The following CCDC175 variants were observed in gnomAD, a reference collection of about 807,000 sequenced individuals.
CCDC175 encodes the protein coiled-coil domain containing 175, also known as coiled-coil domain-containing protein 175.
In CCDC175, 100 loss-of-function variants were observed where a neutral mutation model predicts 114.6. The ratio of observed to expected loss-of-function variants is 0.87; its 90% CI spans 0.74 to 1.03. CCDC175 has a LOEUF of 1.03. Ranked by LOEUF, CCDC175 falls within the 50% of genes least tolerant of loss-of-function variation. The pLI is 0.00. For missense variants in CCDC175, 880 were observed against 917.8 expected (o/e 0.96, Z 0.53); for synonymous variants, 306 against 308.7 (o/e 0.99, Z 0.09).
At chr14:59,507,317 T>C (rs1029002037) in intron 19 of CCDC175, among the ~76,000 whole-genome samples, 1 of 152,240 alleles carries the variant, frequency 6.6e-6, no homozygotes, top group Non-Finnish European at 1.5e-5. Flanking sequence ...AGCCACTTTC[T>C]AGAAGGAATC....
chr14:59,510,832 G>A (rs1392583170), intron 18 of CCDC175, 24 bp from the exon 19 acceptor site: 2 of 1,524,874 alleles, frequency 1.3e-6, no homozygotes, highest in Admixed American at 4.0e-5. Flanking sequence ...ATTTTAGGCT[G>A]TGTCAATATA....
At chr14:59,509,422 G>A (rs1892628794) in intron 19 of CCDC175, among the ~76,000 whole-genome samples, 1 of 152,140 alleles carries the variant, frequency 6.6e-6, no homozygotes, top group South Asian at 2.1e-4. Flanking sequence ...GTTCTTCATT[G>A]GCCACTGAAA....
At chr14:59,520,403 C>T (rs1027249601) in intron 17 of CCDC175, among the ~76,000 whole-genome samples, 4 of 152,086 alleles carry the variant, frequency 2.6e-5, no homozygotes, top group Non-Finnish European at 5.9e-5. Flanking sequence ...ATTTGTCTGG[C>T]GGTTTCTTAT....
intron 17 of CCDC175, among the ~76,000 whole-genome samples, chr14:59,519,088 T>C (rs918080996): frequency 6.6e-6 from 1 of 152,102 alleles, no homozygotes; most frequent in Admixed American, 6.5e-5. Context: ...AAACACCACA[T>C]GTTCTCACTC....
intron 17 of CCDC175, among the ~76,000 whole-genome samples, chr14:59,513,546 T>C (rs1459822022): frequency 6.6e-6 from 1 of 152,180 alleles, no homozygotes; most frequent in Non-Finnish European, 1.5e-5. Flanking sequence ...GAGGGTCCTA[T>C]GCCCACGGAG....
rs1980580 is a variant in CCDC175 at position 59,565,278 on chromosome 14, G to C, written c.492-3C>G. On this transcript the variant is annotated splice_region_variant and splice_polypyrimidine_tract_variant and intron_variant, in intron 4 of 19. Coordinates refer to ENST00000537690, the MANE Select transcript of CCDC175 (RefSeq NM_001164399.2). ...TTGCTAGCTCTTCCTGCTTCTCCCT[G>C]GGAGGAAAGAATTGCTCACAGAGTG... 1 of 1,535,002 alleles carries C rather than the reference G, an allele frequency of 6.5e-7. No individual in the cohort carries two copies. The highest frequency in any genetic ancestry group is 8.7e-7 in the Non-Finnish European group (1 of 1,145,924).
chr14:59,558,492 A>G (rs1434987330), intron 7 of CCDC175, among the ~76,000 whole-genome samples: 1 of 152,202 alleles, frequency 6.6e-6, no homozygotes, highest in Non-Finnish European at 1.5e-5. Context: ...TGAAGGCAAT[A>G]GGACGTGACT....
At chr14:59,537,540 AT>A (rs1321355147) in intron 13 of CCDC175, among the ~76,000 whole-genome samples, 1 of 151,946 alleles carries the variant, frequency 6.6e-6, no homozygotes. Flanking sequence ...GGGAAGGTGC[AT>A]TTTTTTATTG....
intron 7 of CCDC175, among the ~76,000 whole-genome samples, chr14:59,551,804 G>A (rs1895511327): frequency 6.6e-6 from 1 of 152,192 alleles, no homozygotes; most frequent in South Asian, 2.1e-4. Context: ...TTAGCAAACG[G>A]CACACCAGGA....
rs574101941 is a variant in CCDC175, at chr14:59,538,165, A to G, written c.1492-11T>C. The G allele has an allele frequency of 2.6e-6, 4 of 1,527,850 alleles. No individual in the cohort carries two copies. Among genetic ancestry groups the G allele is most frequent in the Non-Finnish European group, 3.5e-6 (4 of 1,142,836 alleles). 94.6% of individuals were successfully genotyped at this position (1,527,850 alleles called of 1,614,324 possible). ...TTGTCTGAAACTGGTCTAATTAGAG[A>G]AAAATAAGAATTTGTCATTTCTCTT... is the stretch of plus-strand genomic sequence containing the variant. On this transcript the variant is annotated splice_polypyrimidine_tract_variant and intron_variant, in intron 12 of 19. Transcript: ENST00000537690.
At chr14:59,551,927 G>A (rs1022136231) in intron 7 of CCDC175, among the ~76,000 whole-genome samples, 5 of 152,278 alleles carry the variant, frequency 3.3e-5, no homozygotes, top group South Asian at 2.1e-4. Flanking sequence ...GGGGAGGGGC[G>A]CCCGCCATTG....
intron 14 of CCDC175, among the ~76,000 whole-genome samples, chr14:59,528,649 A>AT (rs1893888185): frequency 6.6e-6 from 1 of 152,148 alleles, no homozygotes; most frequent in African/African-American, 2.4e-5. Flanking sequence ...GATCATTATA[A>AT]TAATGTAAGC....
At chr14:59,524,938 G>C (rs1893659128) in intron 16 of CCDC175, among the ~76,000 whole-genome samples, 1 of 152,126 alleles carries the variant, frequency 6.6e-6, no homozygotes, top group Non-Finnish European at 1.5e-5. Flanking sequence ...ACATAATGTT[G>C]AGCAAAAGAA....
chr14:59,511,061 T>A (rs1892711024), intron 18 of CCDC175, among the ~76,000 whole-genome samples: 1 of 152,138 alleles, frequency 6.6e-6, no homozygotes, highest in South Asian at 2.1e-4. Context: ...GTAGCCATGG[T>A]GGTGGCAGCA....
rs4898996 is a variant in CCDC175, at chr14:59,576,704, A to T, written c.72T>A (p.Thr24=). ...AGGTGCATAACTCCAGGGAGGGGCC[A>T]GTGGAGACGGCAGCCGCCTGCACCA... ...EKLVQAAAVS[T]GPSLELCTLP... The change falls in exon 1 of 20, where the codon ACT becomes ACA. Residue 24 remains threonine, a synonymous_variant. Transcript: ENST00000537690. The T allele has an allele frequency of 1.4e-6, 2 of 1,480,668 alleles. No individual in the cohort carries two copies. Among genetic ancestry groups the T allele is most frequent in the African/African-American group, 2.9e-5 (2 of 68,824 alleles). 91.7% of individuals were successfully genotyped at this position (1,480,668 alleles called of 1,614,324 possible). A position where few individuals can be genotyped will look rare whatever the true frequency, so the allele number is the denominator to read the frequency against.
chr14:59,557,671 C>G (rs1326326277), intron 7 of CCDC175, among the ~76,000 whole-genome samples: 1 of 151,200 alleles, frequency 6.6e-6, no homozygotes, highest in East Asian at 1.9e-4. Flanking sequence ...AGTCATATTT[C>G]CTTATGAAAT....
At chr14:59,521,736 T>C in intron 16 of CCDC175, 60 bp from the exon 17 acceptor site, 3 of 942,958 alleles carry the variant, frequency 3.2e-6, no homozygotes, top group Non-Finnish European at 3.3e-6. Context: ...TAAATTATCA[T>C]GTAGTCATTC....
chr14:59,556,752 C>T (rs1895922866), intron 7 of CCDC175, among the ~76,000 whole-genome samples: 1 of 152,138 alleles, frequency 6.6e-6, no homozygotes, highest in South Asian at 2.1e-4. Context: ...CTACAAAGAA[C>T]TCAAACAAAT....
intron 19 of CCDC175, among the ~76,000 whole-genome samples, chr14:59,506,846 T>A (rs937912395): frequency 2.0e-5 from 3 of 152,228 alleles, no homozygotes; most frequent in African/African-American, 4.8e-5. Context: ...TTGATTTTTT[T>A]AATGTTTCTT....
Sources: allele counts gnomAD v4.1 joint callset (sites outside exome capture counted in the v4.1 genomes callset), GRCh38; gene constraint gnomAD v4.1.1; transcripts MANE v1.5; gene names NCBI Gene and HGNC (gene_info 2026-07-23, HGNC 2026-07-21).